The following TMEM67 variants were observed in gnomAD, a reference collection of about 807,000 sequenced individuals.
The protein encoded by TMEM67 is transmembrane protein 67, also known as meckelin.
TMEM67 carries 124 observed loss-of-function variants against 136.6 expected under a neutral mutation model. The observed-to-expected ratio is 0.91, with a 90% CI of 0.78 to 1.05. The LOEUF (loss-of-function observed/expected upper bound fraction) is 1.05. Among genes scored for constraint, TMEM67 ranks in the 50% least tolerant of loss-of-function variants. The pLI is 0.00. For synonymous variants in TMEM67, 364 were observed against 390.5 expected (o/e 0.93, Z 0.80); for missense variants, 1,107 against 1,178.4 (o/e 0.94, Z 0.89).
intron 16 of TMEM67, chr8:93,794,883 A>C (rs185374884): frequency 6.2e-6 from 1 of 161,060 alleles, no homozygotes; most frequent in African/African-American, 2.4e-5. Context: ...AACAATGCCC[A>C]TTTTATTCCA....
At chr8:93,759,957 A>G in intron 3 of TMEM67, 1 of 1,538,176 alleles carries the variant, frequency 6.5e-7, no homozygotes, top group Non-Finnish European at 8.8e-7. Context: ...CTTGGCATGT[A>G]CTTTAGAAGG....
downstream of TMEM67, among the ~76,000 whole-genome samples, chr8:93,821,670 G>A (rs1255757787): frequency 1.3e-5 from 2 of 152,146 alleles, no homozygotes; most frequent in African/African-American, 2.4e-5. Context: ...AGGCCAAGGC[G>A]GGTGGATCAC....
At chr8:93,787,273 T>G (rs1814154196) in intron 13 of TMEM67, among the ~76,000 whole-genome samples, 1 of 151,984 alleles carries the variant, frequency 6.6e-6, no homozygotes, top group South Asian at 2.1e-4. Flanking sequence ...ATTTAAAAAT[T>G]TATTTATTTG....
At chr8:93,775,056 G>C (rs140976020) in intron 7 of TMEM67, among the ~76,000 whole-genome samples, 244 of 152,274 alleles carry the variant, frequency 1.6e-3, no homozygotes, top group African/African-American at 5.5e-3. Flanking sequence ...ATTTTAACTG[G>C]TGTGAGATGC....
rs781645408 is a variant in TMEM67 at position 93,780,943 on chromosome 8, C to T, written c.939C>T (p.Thr313=). The T allele has an allele frequency of 1.2e-6, 2 of 1,611,962 alleles. No individual in the cohort carries two copies. Among genetic ancestry groups the T allele is most frequent in the South Asian group, 1.1e-5 (1 of 90,986 alleles). ...LGLAPQVLSS[T]SLPTNFSFKG... is the part of the protein sequence containing the mutation. ...TAGCACCTCAAGTGCTCAGTTCTAC[C>T]TCTCTTCCTACAAATTTCAGTTTTA... The change falls in exon 9 of 28, where the codon ACC becomes ACT. Residue 313 remains threonine (T), a synonymous_variant. Transcript: ENST00000453321.
chr8:93,775,624 T>G (rs369735139), intron 7 of TMEM67, among the ~76,000 whole-genome samples: 4 of 152,142 alleles, frequency 2.6e-5, no homozygotes, highest in Non-Finnish European at 5.9e-5. Flanking sequence ...TTTCCCCATT[T>G]CTTGTTTTTG....
At position 93,815,375 on chromosome 8, in the gene TMEM67, GTTC is replaced by G; in HGVS notation, c.2840_2842del (p.Phe947del). The G allele has an allele frequency of 3.1e-6, 5 of 1,612,524 alleles. No homozygotes were observed. Among genetic ancestry groups the G allele is most frequent in the Non-Finnish European group, 4.2e-6 (5 of 1,179,160 alleles). On this transcript the variant is annotated inframe_deletion, in exon 27 of 28. Coordinates refer to ENST00000453321, the MANE Select transcript of TMEM67 (RefSeq NM_153704.6). Reference sequence around the variant, plus strand: ...CTACTCTTCTTATTTTTGATCTGCTGTTCTTCTGTGTTGTGGATTTGGCTTGCC... The same window carrying G: ...CTACTCTTCTTATTTTTGATCTGCTGTTCTGTGTTGTGGATTTGGCTTGCC...
At chr8:93,800,692 C>T (rs1377357394) in intron 21 of TMEM67, among the ~76,000 whole-genome samples, 1 of 152,136 alleles carries the variant, frequency 6.6e-6, no homozygotes, top group African/African-American at 2.4e-5. Context: ...GGAACTCAGG[C>T]AGCCTGATTT....
intron 16 of TMEM67, among the ~76,000 whole-genome samples, chr8:93,793,997 T>G (rs997614144): frequency 6.6e-6 from 1 of 152,042 alleles, no homozygotes; most frequent in Non-Finnish European, 1.5e-5. Flanking sequence ...GTTCAAGCAA[T>G]TCTCCTGCCT....
chr8:93,778,817 T>C (rs1813675272), intron 7 of TMEM67, among the ~76,000 whole-genome samples: 2 of 152,208 alleles, frequency 1.3e-5, no homozygotes, highest in South Asian at 4.1e-4. Context: ...TTGGTGAATC[T>C]GACAATTATG....
At chr8:93,828,085 ACTT>A in the TMEM67 span, among the ~76,000 whole-genome samples, 2 of 152,220 alleles carry the variant, frequency 1.3e-5, no homozygotes, top group African/African-American at 4.8e-5. Context: ...GGCTGCATCC[ACTT>A]CTTGTTATTG....
chr8:93,818,789 C>T (rs1480073956), downstream of TMEM67, among the ~76,000 whole-genome samples: 1 of 151,988 alleles, frequency 6.6e-6, no homozygotes, highest in Non-Finnish European at 1.5e-5. Flanking sequence ...GGATTAGTTT[C>T]GTGGGTGTGT....
the TMEM67 span, among the ~76,000 whole-genome samples, chr8:93,830,155 C>T: frequency 1.3e-5 from 2 of 152,174 alleles, no homozygotes; most frequent in African/African-American, 4.8e-5. Context: ...GGTTGTCAAT[C>T]ATGCCTATCC....
chr8:93,771,192 C>A (rs1184842574), intron 6 of TMEM67, among the ~76,000 whole-genome samples: 2 of 151,134 alleles, frequency 1.3e-5, no homozygotes, highest in Non-Finnish European at 2.9e-5. Flanking sequence ...TTCTATTATT[C>A]CCTCTAGATT....
chr8:93,805,009 G>T lies in TMEM67; in HGVS notation c.2439+131G>T, dbSNP rs1445150209. 341 of 613,528 alleles carry T rather than the reference G, an allele frequency of 5.6e-4. 1 individual carries two copies. The highest frequency in any genetic ancestry group is 9.3e-5 in the Non-Finnish European group (32 of 342,726). 38.0% of individuals were successfully genotyped at this position (613,528 alleles called of 1,614,324 possible). On this transcript the variant is annotated intron_variant, in intron 23 of 27. Coordinates refer to ENST00000453321, the MANE Select transcript of TMEM67 (RefSeq NM_153704.6). ...TCTTTTTGAGATGGAGTCTCCCTCT[G>T]TCACCCAGGCTGGAGTGCAGTGGCG...
the TMEM67 span, among the ~76,000 whole-genome samples, chr8:93,826,781 A>G: frequency 6.6e-6 from 1 of 152,092 alleles, no homozygotes; most frequent in African/African-American, 2.4e-5. Context: ...TTGTTCTTGG[A>G]CATGTCATTT....
rs1219561541 is a variant in TMEM67, at chr8:93,801,997, TAG to T, written c.2242-1602_2242-1601del. Among the ~76,000 whole-genome samples, 6 of 152,364 alleles carry T rather than the reference TAG, an allele frequency of 3.9e-5. No individual in the cohort carries two copies. The East Asian group carries it at 9.6e-4, about 24-fold the overall frequency. On this transcript the variant is annotated intron_variant, in intron 21 of 27. Transcript: ENST00000453321. ...TGAGTATATCAGATTCATCTGGATG[TAG>T]AGAGTCTAAAGCAATATCATCTGAA... is the stretch of plus-strand genomic sequence containing the variant.
chr8:93,765,407 T>G lies in TMEM67; in HGVS notation c.508T>G (p.Cys170Gly), dbSNP rs767255852. 1 of 1,610,312 alleles carries G rather than the reference T, an allele frequency of 6.2e-7. No individual in the cohort carries two copies. Among genetic ancestry groups the G allele is most frequent in the East Asian group, 2.2e-5 (1 of 44,858 alleles). The change falls in exon 5 of 28, where the codon TGC (cysteine) becomes GGC (glycine). Residue 170 changes from cysteine to glycine, a missense_variant and splice_region_variant. By Grantham distance (159) the Cys-to-Gly change is radical. This residue lies in a region of TMEM67 where 925 missense variants were observed against 1,002.4 expected (regional missense o/e 0.92). Transcript: ENST00000453321. ...FMVVNALGDR[C>G]VRCEPTFVNT... ...AATTATTTTTGTTATATTGAACAGG[T>G]GCGTCCGATGTGAGCCAACATTTGT...
chr8:93,765,325 A>C (rs1191833487), intron 4 of TMEM67, 81 bp from the exon 5 acceptor site: 6 of 1,125,144 alleles, frequency 5.3e-6, no homozygotes, highest in Non-Finnish European at 7.9e-6. Flanking sequence ...ACTCTAATCC[A>C]TTGTTTAGAA....
Sources: allele counts gnomAD v4.1 joint callset (sites outside exome capture counted in the v4.1 genomes callset), GRCh38; gene constraint gnomAD v4.1.1; regional missense constraint gnomAD v4.1.1; transcripts MANE v1.5; gene names NCBI Gene and HGNC (gene_info 2026-07-23, HGNC 2026-07-21).